Variants in PHACTR1 observed in about 807,000 individuals in gnomAD.
The protein encoded by PHACTR1 is RPEL repeat containing 1.
A neutral mutation model predicts 69.2 loss-of-function variants in PHACTR1; 16 were observed. That is an observed-to-expected ratio of 0.23 (90% CI 0.16 to 0.35). The LOEUF is 0.35. Ranked by LOEUF, PHACTR1 falls within the 10% of genes least tolerant of loss-of-function variation. The pLI, the probability that PHACTR1 is intolerant of heterozygous loss-of-function variation, is 1.00. For synonymous variants in PHACTR1, 312 were observed against 284.5 expected, an observed-to-expected ratio of 1.10 and a Z score of -0.97; for missense variants, 510 against 734.7, an observed-to-expected ratio of 0.69 and a Z score of 3.54.
chr6:13,096,078 T>C (rs541512891), intron 5 of PHACTR1, among the ~76,000 whole-genome samples: 1 of 152,018 alleles, frequency 6.6e-6, no homozygotes, highest in Non-Finnish European at 1.5e-5. Context: ...TCCCCACAGA[T>C]GTTGTTAACT....
chr6:12,978,971 G>A lies in PHACTR1; in HGVS notation c.251-74394G>A, dbSNP rs147174911. ...GACCTTTGCAGCAGGAATAAGAAAGGGCAGCTGGTGAAAAGAGGAGGGAGA... is the reference window on the plus strand; with the variant it reads ...GACCTTTGCAGCAGGAATAAGAAAGAGCAGCTGGTGAAAAGAGGAGGGAGA... On this transcript the variant is annotated intron_variant, in intron 4 of 14. Transcript: ENST00000332995. Among the ~76,000 whole-genome samples the A allele has an allele frequency of 6.7e-4, 102 of 152,276 alleles. 1 individual carries two copies. Among genetic ancestry groups the A allele is most frequent in the African/African-American group, 2.3e-3 (96 of 41,550 alleles).
chr6:12,720,485 A>G (rs1264076630), intron 3 of PHACTR1, among the ~76,000 whole-genome samples: 1 of 152,170 alleles, frequency 6.6e-6, no homozygotes, highest in Non-Finnish European at 1.5e-5. Context: ...GGTTTTCAGC[A>G]GATGGAGCTG....
At chr6:13,217,974 C>T (rs1200388567) in intron 8 of PHACTR1, among the ~76,000 whole-genome samples, 1 of 152,214 alleles carries the variant, frequency 6.6e-6, no homozygotes, top group Non-Finnish European at 1.5e-5. Flanking sequence ...CTTGTGCAGA[C>T]TAAATTACAA....
intron 5 of PHACTR1, among the ~76,000 whole-genome samples, chr6:13,140,508 T>C (rs1822277420): frequency 6.6e-6 from 1 of 152,144 alleles, no homozygotes; most frequent in Non-Finnish European, 1.5e-5. Flanking sequence ...CTCGAGGACA[T>C]TGTATTAAAT....
intron 10 of PHACTR1, among the ~76,000 whole-genome samples, chr6:13,251,319 G>A (rs1041747627): frequency 2.0e-5 from 3 of 152,232 alleles, no homozygotes; most frequent in Non-Finnish European, 4.4e-5. Context: ...CAGGATGGAG[G>A]CAGGTGTTTA....
chr6:12,908,538 A>G (rs898256394), intron 4 of PHACTR1, among the ~76,000 whole-genome samples: 1 of 151,794 alleles, frequency 6.6e-6, no homozygotes, highest in Non-Finnish European at 1.5e-5. Context: ...TGCAAATATG[A>G]TGGAGGAGAC....
At chr6:13,176,675 T>A (rs569000027) in intron 6 of PHACTR1, among the ~76,000 whole-genome samples, 79 of 152,314 alleles carry the variant, frequency 5.2e-4, no homozygotes, top group African/African-American at 1.9e-3. Flanking sequence ...TAAATAAATA[T>A]ATATTTGTTT....
chr6:12,781,987 G>A (rs1324933472), intron 4 of PHACTR1, among the ~76,000 whole-genome samples: 1 of 152,104 alleles, frequency 6.6e-6, no homozygotes, highest in Middle Eastern at 3.2e-3. Flanking sequence ...ACTCATTCCC[G>A]AATGCCCATG....
chr6:13,024,427 A>G (rs1205388205), intron 4 of PHACTR1, among the ~76,000 whole-genome samples: 1 of 152,230 alleles, frequency 6.6e-6, no homozygotes, highest in African/African-American at 2.4e-5. Flanking sequence ...CCACATGATG[A>G]GAGGATGTGT....
At chr6:12,950,126 G>A (rs1791119027) in intron 4 of PHACTR1, among the ~76,000 whole-genome samples, 3 of 152,354 alleles carry the variant, frequency 2.0e-5, no homozygotes, top group African/African-American at 4.8e-5. Context: ...ACTCACCTGA[G>A]TGGTTCTTGT....
chr6:12,852,634 C>T lies in PHACTR1; in HGVS notation c.250+102844C>T, dbSNP rs1190577320. On this transcript the variant is annotated intron_variant, in intron 4 of 14. Transcript: ENST00000332995. ...GCAGCATACAAAAACCCTGAAAATCCCCCTAGGTCTGTGGCCTAAAGCCTT... is the reference window on the plus strand; with the variant it reads ...GCAGCATACAAAAACCCTGAAAATCTCCCTAGGTCTGTGGCCTAAAGCCTT... Among the ~76,000 whole-genome samples, 3 of 152,164 alleles carry T rather than the reference C, an allele frequency of 2.0e-5. No individual in the cohort carries two copies. The South Asian group carries it at 6.2e-4, about 32-fold the overall frequency.
At chr6:12,983,484 G>A (rs570991247) in intron 4 of PHACTR1, among the ~76,000 whole-genome samples, 2 of 152,044 alleles carry the variant, frequency 1.3e-5, no homozygotes, top group Non-Finnish European at 1.5e-5. Flanking sequence ...ATATAGAAGA[G>A]GATAATGTTA....
chr6:13,230,372 T>C lies in PHACTR1; in HGVS notation c.1391+179T>C. 4 of 1,389,292 alleles carry C rather than the reference T, an allele frequency of 2.9e-6. No individual in the cohort carries two copies. In the South Asian group the frequency reaches 5.2e-5, roughly 18 times the overall value. 86.1% of individuals were successfully genotyped at this position (1,389,292 alleles called of 1,614,324 possible). ...TTCAAGACCAGCCTGGCCAACATGGTGAAACCCCATCTCTACTAAAAATGC... is the reference window on the plus strand; with the variant it reads ...TTCAAGACCAGCCTGGCCAACATGGCGAAACCCCATCTCTACTAAAAATGC... On this transcript the variant is annotated intron_variant, in intron 10 of 14. Transcript: ENST00000332995.
At chr6:13,003,965 G>GTGTA (rs1798443361) in intron 4 of PHACTR1, among the ~76,000 whole-genome samples, 2 of 96,304 alleles carry the variant, frequency 2.1e-5, no homozygotes, top group South Asian at 3.1e-4. Flanking sequence ...ATATATATAT[G>GTGTA]TATATATATA....
At chr6:13,061,303 T>C (rs1020500993) in intron 5 of PHACTR1, among the ~76,000 whole-genome samples, 1 of 152,142 alleles carries the variant, frequency 6.6e-6, no homozygotes, top group Non-Finnish European at 1.5e-5. Flanking sequence ...GAACCAAGGA[T>C]TGGGACTTGG....
chr6:12,959,487 A>G (rs1792408901), intron 4 of PHACTR1, among the ~76,000 whole-genome samples: 1 of 152,224 alleles, frequency 6.6e-6, no homozygotes, highest in African/African-American at 2.4e-5. Context: ...CACACTTGAA[A>G]TGTAGATGCT....
intron 7 of PHACTR1, among the ~76,000 whole-genome samples, chr6:13,186,709 C>T (rs186714662): frequency 6.6e-6 from 1 of 152,266 alleles, no homozygotes; most frequent in East Asian, 1.9e-4. Context: ...CAGTTTAATG[C>T]AGCTGTCCTC....
intron 6 of PHACTR1, among the ~76,000 whole-genome samples, chr6:13,168,382 T>A (rs1359377603): frequency 6.6e-6 from 1 of 152,368 alleles, no homozygotes; most frequent in Non-Finnish European, 1.5e-5. Flanking sequence ...AGAAAACCAC[T>A]ATCCCAAACC....
Position 12,863,738 on chromosome 6 carries a change from G to A in PHACTR1, c.250+113948G>A, listed in dbSNP as rs114911186. 5.8e-3 allele frequency among the ~76,000 whole-genome samples: 888 copies of A among 152,268 alleles called. 6 individuals carry two copies. Among genetic ancestry groups the A allele is most frequent in the Non-Finnish European group, 9.5e-3 (643 of 68,006 alleles). ...AAAATAGGATGATAATTGATTTGACGCTTACCTTCTTCATAAAATGTATTT... is the reference window on the plus strand; with the variant it reads ...AAAATAGGATGATAATTGATTTGACACTTACCTTCTTCATAAAATGTATTT... On this transcript the variant is annotated intron_variant, in intron 4 of 14. Coordinates refer to ENST00000332995, the MANE Select transcript of PHACTR1 (RefSeq NM_030948.6).
Sources: gnomAD v4.1 joint callset for allele counts (sites outside exome capture counted in the v4.1 genomes callset) on GRCh38, gnomAD v4.1.1 for gene constraint, MANE v1.5 for transcripts, NCBI Gene and HGNC (gene_info 2026-07-23, HGNC 2026-07-21) for gene names.